ERICH1: variants seen among roughly 807,000 people sequenced by gnomAD.
The protein encoded by ERICH1 is glutamate-rich protein 1.
Under a neutral mutation model 39.6 loss-of-function variants are expected in ERICH1, and 56 were observed. The observed-to-expected ratio is 1.41, with a 90% CI of 1.14 to 1.77. The LOEUF is 1.77. Among genes scored for constraint, ERICH1 ranks in the 40% most tolerant of loss-of-function variants. The pLI is 0.00. For missense variants in ERICH1, 826 were observed against 575.4 expected (o/e 1.44, Z -4.45); for synonymous variants, 313 against 223.6 (o/e 1.40, Z -3.57).
chr8:727,960 C>G (rs971692945), intron 1 of ERICH1, among the ~76,000 whole-genome samples: 1 of 152,200 alleles, frequency 6.6e-6, no homozygotes, highest in Non-Finnish European at 1.5e-5. Context: ...GCGGTGAGGA[C>G]AGGCCTCATG....
At chr8:669,593 G>A (rs1802829637) in intron 4 of ERICH1, among the ~76,000 whole-genome samples, 1 of 151,662 alleles carries the variant, frequency 6.6e-6, no homozygotes, top group Non-Finnish European at 1.5e-5. Context: ...CTGGTGGGAC[G>A]CCTCCCCTGG....
chr8:726,635 CACAG>C (rs1053696303), intron 1 of ERICH1, among the ~76,000 whole-genome samples: 54 of 151,172 alleles, frequency 3.6e-4, no homozygotes, highest in African/African-American at 1.3e-3. Flanking sequence ...CAGGTGAACA[CACAG>C]ACACACATGT....
downstream of ERICH1, among the ~76,000 whole-genome samples, chr8:663,835 C>G (rs1352674657): frequency 6.6e-6 from 1 of 152,074 alleles, no homozygotes; most frequent in African/African-American, 2.4e-5. Flanking sequence ...TCTCAGCTCA[C>G]TGCAAGCTCT....
At chr8:706,504 T>C (rs11137039) in intron 2 of ERICH1, among the ~76,000 whole-genome samples, 51,393 of 152,148 alleles carry the variant, frequency 0.34, 9,164 homozygotes, top group East Asian at 0.5. Context: ...CCAGGCGCAG[T>C]GGCTCACGCC....
rs866845698 is a variant in ERICH1 at position 700,254 on chromosome 8, C to G, written c.170-7642G>C. Among the ~76,000 whole-genome samples, 204 of 59,010 alleles carry G rather than the reference C, an allele frequency of 3.5e-3. 8 individuals carry two copies. Among genetic ancestry groups the G allele is most frequent in the East Asian group, 5.6e-3 (7 of 1,244 alleles). The allele number at this position is 59,010 out of a possible 152,430, so 38.7% of individuals were successfully genotyped here. On this transcript the variant is annotated intron_variant, in intron 2 of 5. Coordinates refer to ENST00000262109, the MANE Select transcript of ERICH1 (RefSeq NM_207332.3). ...GCACAGGCCCGCACAGGCCCGCACA[C>G]GCGCACAGGCCCGCACAGGCGCACA...
At chr8:708,152 A>G (rs1266298683) in intron 2 of ERICH1, among the ~76,000 whole-genome samples, 2 of 152,196 alleles carry the variant, frequency 1.3e-5, no homozygotes, top group African/African-American at 2.4e-5. Flanking sequence ...GTTAGTGAGC[A>G]TGTAGAGAAA....
chr8:651,350 T>C (rs1366821039), intron 3 of ERICH1, among the ~76,000 whole-genome samples: 1 of 152,196 alleles, frequency 6.6e-6, no homozygotes, highest in Non-Finnish European at 1.5e-5. Flanking sequence ...CTAATTCTAA[T>C]TTTGCAATCT....
chr8:718,287 ACT>A (rs1816498360), intron 1 of ERICH1, among the ~76,000 whole-genome samples: 1 of 152,178 alleles, frequency 6.6e-6, no homozygotes, highest in Non-Finnish European at 1.5e-5. Context: ...ATTGGAGCGC[ACT>A]GAGTCTGGCC....
At chr8:632,221 T>G (rs1798085765) in intron 3 of ERICH1, among the ~76,000 whole-genome samples, 1 of 152,196 alleles carries the variant, frequency 6.6e-6, no homozygotes, top group Admixed American at 6.5e-5. Context: ...GTCTCATTTT[T>G]CTATTGTGTG....
intron 3 of ERICH1, among the ~76,000 whole-genome samples, chr8:689,827 G>A (rs532740802): frequency 2.6e-5 from 4 of 152,186 alleles, no homozygotes; most frequent in African/African-American, 4.8e-5. Context: ...TATCCCAGCT[G>A]CCCAGAGGAA....
intron 3 of ERICH1, chr8:626,877 C>T (rs757634259): frequency 7.8e-5 from 23 of 293,648 alleles, no homozygotes; most frequent in Admixed American, 3.8e-5. Context: ...TAAGGAAATG[C>T]TGGCGGTTGG....
chr8:639,994 G>A (rs1041294547), intron 3 of ERICH1, among the ~76,000 whole-genome samples: 9 of 152,152 alleles, frequency 5.9e-5, no homozygotes, highest in African/African-American at 1.9e-4. Flanking sequence ...AAAAGCTGCC[G>A]CACACATGCC....
In ERICH1 at chr8:705,257, C is replaced by T. The variant is rs938952754; in HGVS notation, c.169+10604G>A. Among the ~76,000 whole-genome samples the T allele has an allele frequency of 5.3e-5, 8 of 152,362 alleles. No homozygotes were observed. In the East Asian group the frequency reaches 9.6e-4, roughly 18 times the overall value. ...CGGCTGCCTCCTGTCCCTCACAGAG[C>T]GCCACTCGGCCCAGCCCTGATATCC... On this transcript the variant is annotated intron_variant, in intron 2 of 5. Coordinates refer to ENST00000262109, the MANE Select transcript of ERICH1 (RefSeq NM_207332.3).
chr8:630,375 T>A, intron 3 of ERICH1, among the ~76,000 whole-genome samples: 2 of 106,324 alleles, frequency 1.9e-5, no homozygotes, highest in East Asian at 3.0e-4. Context: ...CACACCCTCC[T>A]GTGACCACCC....
chr8:720,217 C>T (rs918813758), intron 1 of ERICH1, among the ~76,000 whole-genome samples: 3 of 152,182 alleles, frequency 2.0e-5, no homozygotes, highest in African/African-American at 4.8e-5. Context: ...CAAATGCAGG[C>T]CGCGCAGACA....
chr8:664,173 A>G, downstream of ERICH1: 5 of 898,104 alleles, frequency 5.6e-6, no homozygotes, highest in Non-Finnish European at 6.7e-6. Flanking sequence ...AGTAGAGAAG[A>G]GAAAAAAAAC....
At chr8:649,686 A>C (rs1799693578) in intron 3 of ERICH1, among the ~76,000 whole-genome samples, 1 of 152,108 alleles carries the variant, frequency 6.6e-6, no homozygotes. Flanking sequence ...CACTGCCTCC[A>C]GGAGGCAGGA....
intron 3 of ERICH1, among the ~76,000 whole-genome samples, chr8:638,824 C>G (rs1331792229): frequency 1.3e-5 from 2 of 152,102 alleles, no homozygotes; most frequent in African/African-American, 2.4e-5. Flanking sequence ...CTGTCGTCAT[C>G]GAGAGCAAGG....
chr8:622,854 A>T (rs1797367375), intron 3 of ERICH1, among the ~76,000 whole-genome samples: 1 of 152,042 alleles, frequency 6.6e-6, no homozygotes, highest in South Asian at 2.1e-4. Context: ...GCAGCTCAGG[A>T]TGCTGAGGTG....
Sources: allele counts gnomAD v4.1 joint callset (sites outside exome capture counted in the v4.1 genomes callset), GRCh38; gene constraint gnomAD v4.1.1; transcripts MANE v1.5; gene names NCBI Gene and HGNC (gene_info 2026-07-23, HGNC 2026-07-21).